Variants in EYS observed in about 807,000 individuals in gnomAD.
EYS encodes the protein EGF-like photoreceptor maintenance factor, also known as protein eyes shut homolog.
Under a neutral mutation model 282.1 loss-of-function variants are expected in EYS, and 250 were observed. The observed-to-expected ratio is 0.89, with a 90% confidence interval of 0.80 to 0.98. EYS has a LOEUF of 0.98. Ranked by LOEUF, EYS falls within the 50% of genes least tolerant of loss-of-function variation. The pLI is 0.00. For missense variants in EYS, 4,016 were observed against 3,709.0 expected (o/e 1.08, Z -2.15); for synonymous variants, 1,355 against 1,282.9 (o/e 1.06, Z -1.20).
At chr6:65,541,495 CA>C (rs1768166113) in intron 2 of EYS, among the ~76,000 whole-genome samples, 1 of 152,124 alleles carries the variant, frequency 6.6e-6, no homozygotes, top group Admixed American at 6.6e-5. Flanking sequence ...GTTTCAAAAT[CA>C]CAACAATGTT....
At chr6:64,488,471 T>C (rs950003553) in intron 26 of EYS, among the ~76,000 whole-genome samples, 6 of 151,158 alleles carry the variant, frequency 4.0e-5, no homozygotes, top group Admixed American at 4.0e-4. Context: ...TGTGTTGTAA[T>C]AGACTATTGT....
chr6:64,210,913 C>G (rs1042660415), intron 31 of EYS, among the ~76,000 whole-genome samples: 5 of 152,164 alleles, frequency 3.3e-5, no homozygotes, highest in Non-Finnish European at 7.3e-5. Flanking sequence ...AGCTGATACA[C>G]CCTTCTTTGC....
intron 2 of EYS, among the ~76,000 whole-genome samples, chr6:65,544,750 C>T (rs1768318879): frequency 6.6e-6 from 1 of 151,942 alleles, no homozygotes; most frequent in African/African-American, 2.4e-5. Context: ...TAAAAGCCAT[C>T]AAAACTTTTA....
At chr6:64,819,908 G>A (rs1583191361) in intron 21 of EYS, among the ~76,000 whole-genome samples, 2 of 152,026 alleles carry the variant, frequency 1.3e-5, no homozygotes, top group East Asian at 3.9e-4. Context: ...AAGTAGGCAA[G>A]GCACAAAGAA....
rs956384620 is a variant in EYS at position 64,318,572 on chromosome 6, A to T, written c.6079-11490T>A. On this transcript the variant is annotated intron_variant, in intron 29 of 42. Coordinates refer to ENST00000503581, the MANE Select transcript of EYS (RefSeq NM_001142800.2). ...ATACATGAAAGTATGAGAAGTTTTC[A>T]TGTTTTTATCCTCTTGACATATTAG... Among the ~76,000 whole-genome samples the T allele has an allele frequency of 5.3e-5, 8 of 151,974 alleles. No homozygotes were observed. The East Asian group carries it at 1.5e-3, about 29-fold the overall frequency.
intron 31 of EYS, among the ~76,000 whole-genome samples, chr6:64,133,181 A>G (rs1774040313): frequency 6.6e-6 from 1 of 151,594 alleles, no homozygotes; most frequent in Non-Finnish European, 1.5e-5. Flanking sequence ...TTTTTTCCTC[A>G]TATTAACTTA....
chr6:64,527,928 T>C (rs369361547), intron 26 of EYS, among the ~76,000 whole-genome samples: 1 of 151,860 alleles, frequency 6.6e-6, no homozygotes, highest in East Asian at 1.9e-4. Context: ...AAACATTCCG[T>C]TTGCTTAAAA....
chr6:65,188,945 T>C (rs146228952), intron 12 of EYS, among the ~76,000 whole-genome samples: 85 of 151,656 alleles, frequency 5.6e-4, no homozygotes, highest in African/African-American at 2.0e-3. Flanking sequence ...GGTACAGAAC[T>C]ATAAAATAAG....
At chr6:65,039,343 T>G (rs1216860680) in intron 13 of EYS, among the ~76,000 whole-genome samples, 1 of 151,550 alleles carries the variant, frequency 6.6e-6, no homozygotes, top group East Asian at 1.9e-4. Flanking sequence ...TTTCTGAAAT[T>G]TTTCACTTTC....
chr6:65,663,185 G>T (rs963583616), intron 1 of EYS, among the ~76,000 whole-genome samples: 3 of 152,080 alleles, frequency 2.0e-5, no homozygotes, highest in African/African-American at 7.2e-5. Flanking sequence ...ATTCTTTCCA[G>T]CGATTAGAGC....
intron 12 of EYS, among the ~76,000 whole-genome samples, chr6:65,209,723 C>T (rs1021899047): frequency 2.0e-5 from 3 of 151,856 alleles, no homozygotes; most frequent in African/African-American, 7.2e-5. Context: ...GCCTGCTAAG[C>T]TTTCTGAGGG....
chr6:63,753,158 A>ATATATG (rs1769387121), intron 41 of EYS, among the ~76,000 whole-genome samples: 1 of 136,538 alleles, frequency 7.3e-6, no homozygotes, highest in African/African-American at 2.6e-5. Flanking sequence ...ATATATATAT[A>ATATATG]TATATATATG....
At chr6:64,379,353 T>C (rs1427803678) in intron 29 of EYS, among the ~76,000 whole-genome samples, 1 of 152,198 alleles carries the variant, frequency 6.6e-6, no homozygotes, top group Non-Finnish European at 1.5e-5. Context: ...TCTATATTAC[T>C]AGAATTCCCT....
At chr6:63,922,124 T>TG (rs1764589341) in intron 35 of EYS, among the ~76,000 whole-genome samples, 1 of 152,196 alleles carries the variant, frequency 6.6e-6, no homozygotes, top group Admixed American at 6.5e-5. Flanking sequence ...TCTGGCAACC[T>TG]GACCTTGAAC....
At chr6:65,297,207 A>G (rs1453795739) in intron 11 of EYS, among the ~76,000 whole-genome samples, 1 of 151,832 alleles carries the variant, frequency 6.6e-6, no homozygotes, top group Admixed American at 6.6e-5. Flanking sequence ...AAAAGATGAA[A>G]AAAAATTAAA....
At chr6:64,133,474 CT>C (rs1408074224) in intron 31 of EYS, among the ~76,000 whole-genome samples, 2 of 121,112 alleles carry the variant, frequency 1.7e-5, no homozygotes, top group East Asian at 5.0e-4. Context: ...TTTTGCATTA[CT>C]TCACACACAC....
chr6:64,206,316 C>T lies in EYS; in HGVS notation c.6424+24276G>A, dbSNP rs527490137. On this transcript the variant is annotated intron_variant, in intron 31 of 42. Transcript: ENST00000503581. ...GACTCTTCACGTTTTGTTCCAGAGACATTTTTGTGAAAAAATATTAGAGGA... is the reference window on the plus strand; with the variant it reads ...GACTCTTCACGTTTTGTTCCAGAGATATTTTTGTGAAAAAATATTAGAGGA... 6.6e-5 allele frequency among the ~76,000 whole-genome samples: 10 copies of T among 152,252 alleles called. No individual in the cohort carries two copies. In the East Asian group the frequency reaches 1.5e-3, roughly 23 times the overall value.
chr6:63,964,454 G>T (rs1449200917), intron 35 of EYS, among the ~76,000 whole-genome samples: 1 of 152,006 alleles, frequency 6.6e-6, no homozygotes, highest in Non-Finnish European at 1.5e-5. Flanking sequence ...GTGTTTAAAA[G>T]AAACAAAAAA....
chr6:64,690,308 C>A (rs569506936), intron 22 of EYS, among the ~76,000 whole-genome samples: 1 of 151,944 alleles, frequency 6.6e-6, no homozygotes, highest in Non-Finnish European at 1.5e-5. Context: ...GAATGGTGAT[C>A]ATTAAAAAGT....
Sources: allele counts gnomAD v4.1 joint callset (sites outside exome capture counted in the v4.1 genomes callset), GRCh38; gene constraint gnomAD v4.1.1; transcripts MANE v1.5; gene names NCBI Gene and HGNC (gene_info 2026-07-23, HGNC 2026-07-21).